The following RSPO2 variants were observed in gnomAD, a reference collection of about 807,000 sequenced individuals.
The protein encoded by RSPO2 is R-spondin 2, also known as R-spondin-2.
In RSPO2, 14 loss-of-function variants were observed where a neutral mutation model predicts 30.9. That is an observed-to-expected ratio of 0.45 (90% CI 0.30 to 0.71). RSPO2 has a LOEUF of 0.71. RSPO2 is among the 30% of genes least tolerant of loss of function. The pLI, the probability that RSPO2 is intolerant of heterozygous loss-of-function variation, is 0.08. For missense variants in RSPO2, 264 were observed against 301.9 expected, an observed-to-expected ratio of 0.87 and a Z score of 0.93; for synonymous variants, 107 against 96.4, an observed-to-expected ratio of 1.11 and a Z score of -0.64.
chr8:107,958,291 GAAA>G (rs200202092), intron 4 of RSPO2, 23 bp from the exon 5 acceptor site: 1 of 1,537,234 alleles, frequency 6.5e-7, no homozygotes, highest in Admixed American at 1.9e-5. Context: ...TTTAGAAAAA[GAAA>G]AAAAAACACA....
intron 2 of RSPO2, among the ~76,000 whole-genome samples, chr8:108,009,828 T>A (rs965199329): frequency 6.6e-6 from 1 of 152,066 alleles, no homozygotes. Flanking sequence ...GGTGGGCAGA[T>A]CACTTGATTC....
chr8:107,985,749 G>C (rs1040389770), intron 3 of RSPO2, among the ~76,000 whole-genome samples: 1 of 152,110 alleles, frequency 6.6e-6, no homozygotes, highest in Admixed American at 6.6e-5. Flanking sequence ...AAAAATATGA[G>C]TGAATTAACA....
chr8:107,995,066 C>A (rs1004612262), intron 2 of RSPO2, among the ~76,000 whole-genome samples: 16 of 152,072 alleles, frequency 1.1e-4, no homozygotes, highest in African/African-American at 3.1e-4. Flanking sequence ...AGAAACAAGG[C>A]CCTTCAGGAT....
At chr8:107,992,174 T>TACACACACACACACACACACACACACAC (rs35054419) in intron 2 of RSPO2, among the ~76,000 whole-genome samples, 1 of 141,964 alleles carries the variant, frequency 7.0e-6, no homozygotes, top group African/African-American at 2.7e-5. Flanking sequence ...GAAAATGTGA[T>TACACACACACACACACACACACACACAC]ACACACACAC....
rs971541906 is a variant in RSPO2 at position 107,899,834 on chromosome 8, C to G, written c.*1241G>C. On this transcript the variant is annotated 3_prime_UTR_variant, in exon 6 of 6. Coordinates refer to ENST00000276659, the MANE Select transcript of RSPO2 (RefSeq NM_178565.5). ...TCACCTGGGAAGTTTCCATAGTGTT[C>G]CTCTCCATCTTGGATCTGAAACAGA... The G allele has an allele frequency of 1.3e-5, 2 of 152,160 alleles. No homozygotes were observed. Among genetic ancestry groups the G allele is most frequent in the Non-Finnish European group, 2.9e-5 (2 of 68,032 alleles). 9.4% of individuals were successfully genotyped at this position (152,160 alleles called of 1,614,324 possible).
At chr8:107,917,259 C>T (rs1294991203) in intron 5 of RSPO2, among the ~76,000 whole-genome samples, 3 of 151,904 alleles carry the variant, frequency 2.0e-5, no homozygotes, top group Non-Finnish European at 2.9e-5. Context: ...CCAAGGCAGG[C>T]GGATCAGCTG....
intron 2 of RSPO2, among the ~76,000 whole-genome samples, chr8:108,072,225 G>A (rs546313436): frequency 2.0e-5 from 3 of 151,696 alleles, no homozygotes; most frequent in South Asian, 4.2e-4. Flanking sequence ...ATGACACAGC[G>A]CAGATCATTC....
intron 2 of RSPO2, among the ~76,000 whole-genome samples, chr8:108,024,401 T>C (rs1318769734): frequency 6.6e-6 from 1 of 151,624 alleles, no homozygotes; most frequent in Non-Finnish European, 1.5e-5. Context: ...ATCTACAAAC[T>C]GATATGGAGT....
chr8:108,049,087 G>T (rs1363518043), intron 2 of RSPO2, among the ~76,000 whole-genome samples: 2 of 151,772 alleles, frequency 1.3e-5, no homozygotes, highest in Non-Finnish European at 2.9e-5. Context: ...CTTTACTTCT[G>T]AGGCCTGTCG....
At chr8:107,911,008 A>G (rs1038810765) in intron 5 of RSPO2, among the ~76,000 whole-genome samples, 5 of 152,196 alleles carry the variant, frequency 3.3e-5, no homozygotes, top group African/African-American at 4.8e-5. Context: ...TGAGAGTTGG[A>G]GCAAAGATAT....
At chr8:107,929,706 A>G (rs1812491647) in intron 5 of RSPO2, among the ~76,000 whole-genome samples, 1 of 152,158 alleles carries the variant, frequency 6.6e-6, no homozygotes, top group Non-Finnish European at 1.5e-5. Context: ...CCTTAGAACT[A>G]TCTAGTATAT....
intron 3 of RSPO2, among the ~76,000 whole-genome samples, chr8:107,966,000 C>G (rs1244587807): frequency 6.6e-6 from 1 of 152,084 alleles, no homozygotes; most frequent in Admixed American, 6.5e-5. Flanking sequence ...AGGGTGGCTG[C>G]CCTCATCATG....
Position 108,036,740 on chromosome 8 carries a change from G to A in RSPO2, c.94+45805C>T, listed in dbSNP as rs1001388091. The stretch of plus-strand genomic sequence containing the variant: ...TATTGAAGGTTTCTGGCAACCTTAC[G>A]TCAAGTCTATTGGCACCATTCTTCC... On this transcript the variant is annotated intron_variant, in intron 2 of 5. Coordinates refer to ENST00000276659, the MANE Select transcript of RSPO2 (RefSeq NM_178565.5). Among the ~76,000 whole-genome samples the A allele has an allele frequency of 3.0e-4, 45 of 152,204 alleles. 1 individual carries two copies. Among genetic ancestry groups the A allele is most frequent in the African/African-American group, 1.4e-4 (6 of 41,456 alleles).
At chr8:108,025,965 T>A (rs906758211) in intron 2 of RSPO2, among the ~76,000 whole-genome samples, 1 of 152,174 alleles carries the variant, frequency 6.6e-6, no homozygotes, top group African/African-American at 2.4e-5. Flanking sequence ...GAAACAAGAT[T>A]TTATATCATA....
intron 5 of RSPO2, among the ~76,000 whole-genome samples, chr8:107,928,306 T>G (rs1053943957): frequency 1.3e-5 from 2 of 152,214 alleles, no homozygotes; most frequent in South Asian, 4.1e-4. Flanking sequence ...AGTTAACAGA[T>G]GTACTGCTTA....
intron 5 of RSPO2, among the ~76,000 whole-genome samples, chr8:107,932,201 G>C (rs1812573217): frequency 6.6e-6 from 1 of 152,130 alleles, no homozygotes; most frequent in Non-Finnish European, 1.5e-5. Flanking sequence ...AGTCAAGGTA[G>C]GCAAAGAGAG....
At chr8:107,918,042 T>C (rs896242557) in intron 5 of RSPO2, among the ~76,000 whole-genome samples, 1 of 152,166 alleles carries the variant, frequency 6.6e-6, no homozygotes, top group African/African-American at 2.4e-5. Context: ...GGGACTCTCA[T>C]GGAAAGCTGA....
At chr8:107,997,745 T>C (rs1275707280) in intron 2 of RSPO2, among the ~76,000 whole-genome samples, 1 of 152,246 alleles carries the variant, frequency 6.6e-6, no homozygotes. Context: ...TTGATTTGTG[T>C]TCCCCTTAAA....
chr8:108,044,832 C>A (rs1811865296), intron 2 of RSPO2, among the ~76,000 whole-genome samples: 1 of 152,044 alleles, frequency 6.6e-6, no homozygotes, highest in Non-Finnish European at 1.5e-5. Flanking sequence ...AGTGTAGAAG[C>A]GTTCCCTACT....
Sources: gnomAD v4.1 joint callset for allele counts (sites outside exome capture counted in the v4.1 genomes callset) on GRCh38, gnomAD v4.1.1 for gene constraint, MANE v1.5 for transcripts, NCBI Gene and HGNC (gene_info 2026-07-23, HGNC 2026-07-21) for gene names.